Variants in ROBO2 observed in about 807,000 individuals in gnomAD.
ROBO2 encodes the protein roundabout homolog 2.
In ROBO2, 53 loss-of-function variants were observed where a neutral mutation model predicts 160.8. That is an observed-to-expected ratio of 0.33 (90% CI 0.26 to 0.41). The LOEUF (loss-of-function observed/expected upper bound fraction) is 0.41. Among genes scored for constraint, ROBO2 ranks in the 10% least tolerant of loss-of-function variants. The pLI, the probability that ROBO2 is intolerant of heterozygous loss-of-function variation, is 1.00. For missense variants in ROBO2, 1,577 were observed against 1,722.4 expected (o/e 0.92, Z 1.49); for synonymous variants, 664 against 611.7 (o/e 1.09, Z -1.26).
intron 2 of ROBO2, among the ~76,000 whole-genome samples, chr3:76,931,861 A>G (rs2077367041): frequency 6.6e-6 from 1 of 151,922 alleles, no homozygotes; most frequent in South Asian, 2.1e-4. Flanking sequence ...TTGTATTTTT[A>G]GTAGAGATGG....
At chr3:76,678,331 G>C (rs1326316804) in intron 2 of ROBO2, among the ~76,000 whole-genome samples, 6 of 152,138 alleles carry the variant, frequency 3.9e-5, no homozygotes, top group African/African-American at 1.4e-4. Context: ...CTATATAAAT[G>C]GCAGATAGCT....
At chr3:76,262,385 TCCATGCA>T (rs1351204405) in intron 2 of ROBO2, among the ~76,000 whole-genome samples, 1 of 152,126 alleles carries the variant, frequency 6.6e-6, no homozygotes, top group Non-Finnish European at 1.5e-5. Flanking sequence ...AATTTGAATT[TCCATGCA>T]CTGTCTGCTT....
At position 76,065,749 on chromosome 3, in the gene ROBO2, A is replaced by ATATATG. The variant is rs879819524; in HGVS notation, c.109+128151_109+128152insTGTATA. Among the ~76,000 whole-genome samples, 33 of 149,062 alleles carry ATATATG rather than the reference A, an allele frequency of 2.2e-4. 1 individual carries two copies. The highest frequency in any genetic ancestry group is 6.4e-4 in the African/African-American group (26 of 40,810). ...ATATTTAAACTAAATATATATATAT[A>ATATATG]TATACACACACACACACACACATAT... On this transcript the variant is annotated intron_variant, in intron 2 of 26. Transcript: ENST00000487694.
chr3:76,459,288 G>A (rs1002441221), intron 2 of ROBO2, among the ~76,000 whole-genome samples: 1 of 152,010 alleles, frequency 6.6e-6, no homozygotes, highest in South Asian at 2.1e-4. Flanking sequence ...TACATATATA[G>A]CGAGAGAGAG....
chr3:76,540,811 T>C (rs550792473), intron 2 of ROBO2, among the ~76,000 whole-genome samples: 17 of 152,274 alleles, frequency 1.1e-4, no homozygotes, highest in African/African-American at 3.9e-4. Flanking sequence ...TATTTATTTA[T>C]TTTTTTGACA....
At chr3:76,359,758 T>G (rs1278685693) in intron 2 of ROBO2, among the ~76,000 whole-genome samples, 2 of 152,066 alleles carry the variant, frequency 1.3e-5, no homozygotes, top group Non-Finnish European at 2.9e-5. Flanking sequence ...ATGTCATTTC[T>G]TTGGTAGCTA....
At position 76,805,482 on chromosome 3, in the gene ROBO2, G is replaced by T. The variant is rs201932570; in HGVS notation, c.110-292532G>T. On this transcript the variant is annotated intron_variant, in intron 2 of 26. Transcript: ENST00000487694. ...TTGATTTTTTGTTCTAGAAATATAT[G>T]TTCCCCCCATATATATATATACACA... 3.3e-5 allele frequency among the ~76,000 whole-genome samples: 5 copies of T among 151,512 alleles called. No individual in the cohort carries two copies. In the East Asian group the frequency reaches 9.7e-4, roughly 29 times the overall value.
At chr3:76,677,084 AT>A (rs144508737) in intron 2 of ROBO2, among the ~76,000 whole-genome samples, 7 of 151,590 alleles carry the variant, frequency 4.6e-5, no homozygotes, top group Non-Finnish European at 7.4e-5. Context: ...TTTCTAGGCA[AT>A]TTTTTTTTCT....
chr3:77,189,106 C>T (rs189806003), intron 2 of ROBO2, among the ~76,000 whole-genome samples: 1 of 151,778 alleles, frequency 6.6e-6, no homozygotes, highest in East Asian at 1.9e-4. Context: ...TGAGATTATT[C>T]CAGCTGAATT....
rs183313934 is a variant in ROBO2, at chr3:76,852,909, G to A, written c.110-245105G>A. Among the ~76,000 whole-genome samples, 251 of 152,100 alleles carry A rather than the reference G, an allele frequency of 1.7e-3. 1 individual carries two copies. Among genetic ancestry groups the A allele is most frequent in the Non-Finnish European group, 2.7e-3 (183 of 67,942 alleles). ...TGCATACATAAAAGCATTAGCAGGC[G>A]TCCCTTAAGAAAATATACATAATTG... On this transcript the variant is annotated intron_variant, in intron 2 of 26. Transcript: ENST00000487694.
At chr3:75,987,412 CTTTG>C (rs1467722478) in intron 2 of ROBO2, among the ~76,000 whole-genome samples, 18 of 151,724 alleles carry the variant, frequency 1.2e-4, no homozygotes, top group East Asian at 7.7e-4. Flanking sequence ...GCTTTCCTAA[CTTTG>C]TTTATTAGTT....
At chr3:77,294,378 A>C (rs1317677506) in intron 2 of ROBO2, among the ~76,000 whole-genome samples, 16 of 141,968 alleles carry the variant, frequency 1.1e-4, no homozygotes, top group Non-Finnish European at 3.0e-5. Context: ...GGGTAAGCTG[A>C]GGCTAGGTCA....
At chr3:77,291,965 C>A (rs1160448752) in intron 2 of ROBO2, among the ~76,000 whole-genome samples, 1 of 150,838 alleles carries the variant, frequency 6.6e-6, no homozygotes, top group Non-Finnish European at 1.5e-5. Flanking sequence ...GACTAGATCA[C>A]CCCAGACATA....
intron 2 of ROBO2, among the ~76,000 whole-genome samples, chr3:77,382,600 T>C (rs1233179439): frequency 6.6e-6 from 1 of 152,110 alleles, no homozygotes; most frequent in African/African-American, 2.4e-5. Context: ...AAAATCCATT[T>C]TACCACTCCA....
chr3:77,401,012 A>G lies in ROBO2; in HGVS notation c.389-76402A>G, dbSNP rs918665903. Among the ~76,000 whole-genome samples the G allele has an allele frequency of 3.7e-4, 56 of 151,476 alleles. 1 individual carries two copies. The highest frequency in any genetic ancestry group is 1.3e-3 in the African/African-American group (55 of 40,840). On this transcript the variant is annotated intron_variant, in intron 2 of 25. Coordinates refer to ENST00000461745, the Ensembl canonical transcript of ROBO2. ...AGGGTTCTTGCAAGAATAAAAACAT[A>G]GGGTTGTGTGGCATTTCCGGATTGT...
intron 2 of ROBO2, among the ~76,000 whole-genome samples, chr3:77,115,238 C>T (rs530671407): frequency 6.6e-6 from 1 of 152,178 alleles, no homozygotes; most frequent in Non-Finnish European, 1.5e-5. Flanking sequence ...AAATACTACA[C>T]ATGTAAGTAA....
chr3:76,247,847 T>C (rs1380006467), intron 2 of ROBO2, among the ~76,000 whole-genome samples: 1 of 151,722 alleles, frequency 6.6e-6, no homozygotes, highest in African/African-American at 2.4e-5. Flanking sequence ...AACAGACACT[T>C]CTCAAAAGAA....
intron 12 of ROBO2, 40 bp downstream of exon 13, chr3:77,565,160 A>C: frequency 6.2e-7 from 1 of 1,607,610 alleles, no homozygotes; most frequent in Non-Finnish European, 8.5e-7. Context: ...TTCTAGGCAG[A>C]AACATCAGAT....
At chr3:77,018,500 C>T (rs2062424660) in intron 2 of ROBO2, among the ~76,000 whole-genome samples, 1 of 152,162 alleles carries the variant, frequency 6.6e-6, no homozygotes, top group Admixed American at 6.6e-5. Context: ...TCTTACTTTT[C>T]ACTACAAGGC....
Sources: allele counts gnomAD v4.1 joint callset (sites outside exome capture counted in the v4.1 genomes callset), GRCh38; gene constraint gnomAD v4.1.1; transcripts MANE v1.5; gene names NCBI Gene and HGNC (gene_info 2026-07-23, HGNC 2026-07-21).